The following NF2 variants were observed in gnomAD, a reference collection of about 807,000 sequenced individuals.
NF2 encodes NF2, moesin-ezrin-radixin like (MERLIN) tumor suppressor.
A neutral mutation model predicts 83.7 loss-of-function variants in NF2; 8 were observed. That is an observed-to-expected ratio of 0.10 (90% CI 0.06 to 0.17). The LOEUF (loss-of-function observed/expected upper bound fraction) is 0.17. Among genes scored for constraint, NF2 ranks in the 10% least tolerant of loss-of-function variants. NF2 has a pLI of 1.00. For synonymous variants in NF2, 266 were observed against 269.6 expected, an observed-to-expected ratio of 0.99 and a Z score of 0.13; for missense variants, 533 against 744.4, an observed-to-expected ratio of 0.72 and a Z score of 3.31.
chr22:29,609,125 G>T (rs2064882631), intron 1 of NF2: 2 of 751,150 alleles, frequency 2.7e-6, no homozygotes, highest in Admixed American at 1.7e-5. Flanking sequence ...GAACCCAGGG[G>T]CTTTGATTAA....
intron 8 of NF2, among the ~76,000 whole-genome samples, chr22:29,661,878 C>T (rs1265501895): frequency 1.3e-5 from 2 of 152,138 alleles, no homozygotes; most frequent in East Asian, 3.8e-4. Context: ...CACATATACA[C>T]ATATGGACAT....
At chr22:29,678,363 C>G (rs765225521) in intron 14 of NF2, 40 bp downstream of exon 14, 1 of 1,610,010 alleles carries the variant, frequency 6.2e-7, no homozygotes, top group East Asian at 2.2e-5. Context: ...CAGCTGTGAA[C>G]TAGACTGAGT....
At position 29,654,669 on chromosome 22, in the gene NF2, G is replaced by A. The variant is rs1330473001; in HGVS notation, c.460G>A (p.Asp154Asn). The A allele has an allele frequency of 5.0e-6, 8 of 1,613,670 alleles. No individual in the cohort carries two copies. Among genetic ancestry groups the A allele is most frequent in the South Asian group, 2.2e-5 (2 of 91,068 alleles). ...TTCTTCTTTCCAGTATGGTGACTACGACCCCAGTGTTCACAAGCGGGGATT... is the reference window on the plus strand; with the variant it reads ...TTCTTCTTTCCAGTATGGTGACTACAACCCCAGTGTTCACAAGCGGGGATT... The part of the protein sequence containing the change: ...YAVQAKYGDY[D>N]PSVHKRGFLA... Residue 154 changes from aspartate (D) to asparagine (N), a missense_variant, in exon 5 of 16, where the codon GAC becomes AAC. Asp to Asn is a conservative substitution (Grantham distance 23). Coordinates refer to ENST00000338641, the MANE Select transcript of NF2 (RefSeq NM_000268.4).
Position 29,694,930 on chromosome 22 carries a change from C to G in NF2, c.*128C>G, listed in dbSNP as rs1371277907. 7.3e-6 allele frequency: 7 copies of G among 955,576 alleles called. No individual in the cohort carries two copies. Among genetic ancestry groups the G allele is most frequent in the Non-Finnish European group, 1.1e-5 (7 of 609,404 alleles). 59.2% of individuals were successfully genotyped at this position (955,576 alleles called of 1,614,324 possible). On this transcript the variant is annotated 3_prime_UTR_variant, in exon 16 of 16. Coordinates refer to ENST00000338641, the MANE Select transcript of NF2 (RefSeq NM_000268.4). This position sits in a 1 kb window ranked among gnomAD's most constrained non-coding sequence, Gnocchi z 4.1. The stretch of plus-strand genomic sequence containing the variant: ...TTCCGTGGGAGCTCCAGAACTTTCC[C>G]CAGCTGAGTGAAGAGCCCAGCCCCT...
chr22:29,695,458 G>A lies in NF2; in HGVS notation c.*656G>A, dbSNP rs1056797091. 16 of 250,842 alleles carry A rather than the reference G, an allele frequency of 6.4e-5. No homozygotes were observed. The highest frequency in any genetic ancestry group is 1.1e-4 in the Non-Finnish European group (14 of 127,388). The allele number at this position is 250,842 out of a possible 1,614,324, so 15.5% of individuals were successfully genotyped here. On this transcript the variant is annotated 3_prime_UTR_variant, in exon 16 of 16. Transcript: ENST00000338641. This position sits in a 1 kb window ranked among gnomAD's most constrained non-coding sequence, Gnocchi z 5.4. ...AGAGACTTTAGGCAGAAGCTGTGATGCAGGCTGACTGCCAGCCGAGGGGCT... is the reference window on the plus strand; with the variant it reads ...AGAGACTTTAGGCAGAAGCTGTGATACAGGCTGACTGCCAGCCGAGGGGCT...
intron 15 of NF2, among the ~76,000 whole-genome samples, chr22:29,682,493 C>T (rs930272635): frequency 1.3e-5 from 2 of 152,146 alleles, no homozygotes; most frequent in African/African-American, 4.8e-5. Flanking sequence ...AGTAGGCAGC[C>T]CTGACTTCTA....
At chr22:29,660,862 C>T (rs1328477666) in intron 7 of NF2, among the ~76,000 whole-genome samples, 1 of 152,204 alleles carries the variant, frequency 6.6e-6, no homozygotes, top group Admixed American at 6.5e-5. Context: ...CCACTGCTCC[C>T]CGCCTAAACC....
Position 29,603,880 on chromosome 22 carries a change from C to T in NF2, c.-119C>T. 1.3e-6 allele frequency: 1 copy of T among 760,856 alleles called. No individual in the cohort carries two copies. Among genetic ancestry groups the T allele is most frequent in the Non-Finnish European group, 2.1e-6 (1 of 472,360 alleles). 47.1% of individuals were successfully genotyped at this position (760,856 alleles called of 1,614,324 possible). On this transcript the variant is annotated 5_prime_UTR_variant, in exon 1 of 16. Transcript: ENST00000338641. ...GGGACCCGCGCAGCCCAGACCGTTC[C>T]CGGGCCGGGCAGCCGGCCACCATGG...
chr22:29,620,155 A>C (rs918950222), intron 1 of NF2, among the ~76,000 whole-genome samples: 1 of 152,092 alleles, frequency 6.6e-6, no homozygotes, highest in Non-Finnish European at 1.5e-5. Flanking sequence ...GCTACTCCGG[A>C]GGTTGAGGCA....
At chr22:29,669,698 C>T (rs1396487270) in intron 10 of NF2, among the ~76,000 whole-genome samples, 4 of 152,184 alleles carry the variant, frequency 2.6e-5, no homozygotes, top group Admixed American at 1.3e-4. Context: ...ATCGGCACTG[C>T]TTACAGCACA....
intron 1 of NF2, among the ~76,000 whole-genome samples, chr22:29,614,537 G>T (rs546354817): frequency 1.4e-5 from 2 of 143,728 alleles, no homozygotes; most frequent in African/African-American, 5.3e-5. Context: ...AGCCGAGATC[G>T]CACTACTGCA....
chr22:29,631,794 A>G (rs2065518370), intron 1 of NF2, among the ~76,000 whole-genome samples: 1 of 152,226 alleles, frequency 6.6e-6, no homozygotes, highest in African/African-American at 2.4e-5. Context: ...CTTAATCCTT[A>G]GATCAATCTG....
intron 6 of NF2, among the ~76,000 whole-genome samples, chr22:29,656,932 T>C (rs1293993497): frequency 6.7e-6 from 1 of 148,432 alleles, no homozygotes; most frequent in Non-Finnish European, 1.5e-5. Flanking sequence ...TGTATTATGT[T>C]AGAATTCCAT....
At position 29,673,638 on chromosome 22, in the gene NF2, G is replaced by A; in HGVS notation, c.1340+152G>A. On this transcript the variant is annotated intron_variant, in intron 12 of 15. Transcript: ENST00000338641. Reference sequence around the variant, plus strand: ...GCTCCTCCTTGGCTGATGGTGACTGGTGCTTTATCCATTTTGGGGCTGGCG... The same window carrying A: ...GCTCCTCCTTGGCTGATGGTGACTGATGCTTTATCCATTTTGGGGCTGGCG... 10 of 865,180 alleles carry A rather than the reference G, an allele frequency of 1.2e-5. No individual in the cohort carries two copies. In the South Asian group the frequency reaches 1.3e-4, roughly 11 times the overall value. The allele number at this position is 865,180 out of a possible 1,614,324, so 53.6% of individuals were successfully genotyped here. A position where few individuals can be genotyped will look rare whatever the true frequency, so the allele number is the denominator to read the frequency against.
intron 1 of NF2, among the ~76,000 whole-genome samples, chr22:29,632,911 T>C (rs567049942): frequency 6.6e-6 from 1 of 152,324 alleles, no homozygotes; most frequent in East Asian, 1.9e-4. Flanking sequence ...ACACTGAAGA[T>C]GAGCTTGGTC....
At chr22:29,644,273 A>T (rs1286997299) in intron 4 of NF2, among the ~76,000 whole-genome samples, 21 of 100,932 alleles carry the variant, frequency 2.1e-4, no homozygotes, top group African/African-American at 3.8e-4. Flanking sequence ...CGCTCCTCAC[A>T]TCCCAGACGG....
chr22:29,628,140 C>CTGTGTG (rs3138701), intron 1 of NF2, among the ~76,000 whole-genome samples: 7,201 of 139,676 alleles, frequency 0.052, 190 homozygotes, highest in Middle Eastern at 0.086. Context: ...GAGACTTAAT[C>CTGTGTG]TGTGTGTGTG....
Position 29,695,185 on chromosome 22 carries a change from G to A in NF2, c.*383G>A, listed in dbSNP as rs1454696015. 4.8e-6 allele frequency: 2 copies of A among 414,970 alleles called. No homozygotes were observed. Among genetic ancestry groups the A allele is most frequent in the African/African-American group, 3.9e-5 (2 of 50,860 alleles). 25.7% of individuals were successfully genotyped at this position (414,970 alleles called of 1,614,324 possible). ...AGGGAGTGAGACACTGAAGCCCTGA[G>A]AAGCCAGTGCCATCATCCCCACCCC... On this transcript the variant is annotated 3_prime_UTR_variant, in exon 16 of 16. Transcript: ENST00000338641. The surrounding 1 kb of genome is among the most constrained non-coding windows in gnomAD (Gnocchi z 5.4).
chr22:29,671,688 T>C, intron 10 of NF2, 138 bp from the exon 11 acceptor site: 1 of 1,225,996 alleles, frequency 8.2e-7, no homozygotes, highest in East Asian at 2.5e-5. Context: ...GCAATAAGAA[T>C]GACCCTGGCT....
Sources: allele counts gnomAD v4.1 joint callset (sites outside exome capture counted in the v4.1 genomes callset), GRCh38; gene constraint gnomAD v4.1.1; non-coding constraint Gnocchi (gnomAD v3.1); transcripts MANE v1.5; gene names NCBI Gene and HGNC (gene_info 2026-07-23, HGNC 2026-07-21).